MMP20: variants seen among roughly 807,000 people sequenced by gnomAD.
MMP20 encodes the protein matrix metalloproteinase-20.
Under a neutral mutation model 51.8 loss-of-function variants are expected in MMP20, and 50 were observed. The observed-to-expected ratio is 0.97, with a 90% CI of 0.77 to 1.22. The LOEUF is 1.22. Ranked by LOEUF, MMP20 falls within the 50% of genes most tolerant of loss-of-function variation. The probability of loss-of-function intolerance (pLI) is 0.00; values close to 1 mark genes in which losing one functional copy is unlikely to be tolerated. For synonymous variants in MMP20, 244 were observed against 216.2 expected (o/e 1.13, Z -1.13); for missense variants, 663 against 601.4 (o/e 1.10, Z -1.07).
At chr11:102,609,759 C>A in intron 4 of MMP20, 146 bp downstream of exon 4, 2 of 1,075,558 alleles carry the variant, frequency 1.9e-6, no homozygotes, top group East Asian at 2.4e-5. Context: ...CTTATGTGAT[C>A]CCTTTTGGAT....
chr11:102,607,950 C>T (rs1233236492), intron 5 of MMP20: 1 of 152,076 alleles, frequency 6.6e-6, no homozygotes, highest in Non-Finnish European at 1.5e-5. Flanking sequence ...GGTGCTTTCC[C>T]CCTCCTGGAA....
At chr11:102,599,012 CTTTTT>C (rs3046928) in intron 6 of MMP20, among the ~76,000 whole-genome samples, 4 of 127,920 alleles carry the variant, frequency 3.1e-5, no homozygotes, top group Non-Finnish European at 3.3e-5. Flanking sequence ...TTTCTTCTAT[CTTTTT>C]TTTTTTTTTT....
intron 8 of MMP20, among the ~76,000 whole-genome samples, chr11:102,587,745 G>C (rs776584374): frequency 6.6e-5 from 10 of 152,070 alleles, no homozygotes; most frequent in Non-Finnish European, 1.3e-4. Flanking sequence ...TGTTTTGCCT[G>C]ATAATAGTAT....
chr11:102,599,303 A>AG (rs1401263055), intron 6 of MMP20, among the ~76,000 whole-genome samples: 1 of 152,140 alleles, frequency 6.6e-6, no homozygotes, highest in Non-Finnish European at 1.5e-5. Context: ...TACAGGCATG[A>AG]GCCACCATGC....
At chr11:102,608,840 G>C (rs1859553906) in intron 5 of MMP20, 97 bp downstream of exon 5, 1 of 1,284,440 alleles carries the variant, frequency 7.8e-7, no homozygotes, top group Non-Finnish European at 1.1e-6. Context: ...TTTCTAGATT[G>C]ATCTTTACCA....
At position 102,608,962 on chromosome 11, in the gene MMP20, A is replaced by T. The variant is rs1859556534; in HGVS notation, c.786T>A (p.Asp262Glu). ...NPYGFHLPKD[D>E]VKGIQALYGP... ...CGTATAATGCCTGGATCCCTTTCAC[A>T]TCATCTTTGGGGAGGTGGAATCCAT... The change falls in exon 5 of 10, where the codon GAT (aspartate) becomes GAA (glutamate). Residue 262 changes from aspartate to glutamate, a missense_variant. Physicochemically the swap from Asp to Glu is conservative, Grantham distance 45. Transcript: ENST00000260228. The T allele has an allele frequency of 5.0e-6, 8 of 1,614,100 alleles. No individual in the cohort carries two copies. The highest frequency in any genetic ancestry group is 6.8e-6 in the Non-Finnish European group (8 of 1,179,976).
intron 1 of MMP20, among the ~76,000 whole-genome samples, chr11:102,621,532 A>C (rs1859750974): frequency 6.6e-6 from 1 of 152,264 alleles, no homozygotes; most frequent in African/African-American, 2.4e-5. Context: ...TGAGGTCCTC[A>C]ATATGAATGC....
At chr11:102,611,444 G>A (rs970816444) in intron 3 of MMP20, among the ~76,000 whole-genome samples, 3 of 152,266 alleles carry the variant, frequency 2.0e-5, no homozygotes, top group Non-Finnish European at 2.9e-5. Context: ...GGGAATGGAT[G>A]AGGTCATGTG....
chr11:102,609,276 C>T (rs907638732), intron 4 of MMP20, among the ~76,000 whole-genome samples, 178 bp from the exon 5 acceptor site: 2 of 152,108 alleles, frequency 1.3e-5, no homozygotes, highest in Non-Finnish European at 2.9e-5. Context: ...TTAATTCTTC[C>T]CCCCTTGGCT....
chr11:102,616,228 C>T (rs1283701161), intron 2 of MMP20, among the ~76,000 whole-genome samples: 2 of 152,120 alleles, frequency 1.3e-5, no homozygotes, highest in African/African-American at 4.8e-5. Flanking sequence ...CCCTGGGCCA[C>T]TTGGTAGCTC....
At position 102,606,767 on chromosome 11, in the gene MMP20, T is replaced by A. The variant is rs1045418297; in HGVS notation, c.812-91A>T. 4.8e-6 allele frequency: 7 copies of A among 1,445,878 alleles called. No individual in the cohort carries two copies. In the African/African-American group the frequency reaches 9.7e-5, roughly 20 times the overall value. The allele number at this position is 1,445,878 out of a possible 1,614,324, so 89.6% of individuals were successfully genotyped here. On this transcript the variant is annotated intron_variant, in intron 5 of 9. Transcript: ENST00000260228. Reference sequence around the variant, plus strand: ...GAGCCCCAGGGGAGGTTGTACACTTTCACGCTGGACATGTGATCATGATCA... The same window carrying A: ...GAGCCCCAGGGGAGGTTGTACACTTACACGCTGGACATGTGATCATGATCA...
chr11:102,609,123 A>G, intron 4 of MMP20, 25 bp from the exon 5 acceptor site: 2 of 1,610,458 alleles, frequency 1.2e-6, no homozygotes, highest in South Asian at 2.2e-5. Context: ...AGAGAAAAAA[A>G]CAGTATCAAC....
At chr11:102,583,354 T>A (rs2135928696) in intron 8 of MMP20, 1 of 152,338 alleles carries the variant, frequency 6.6e-6, no homozygotes, top group South Asian at 2.1e-4. Flanking sequence ...ATTTGCCATA[T>A]GTTGACATTT....
Position 102,578,756 on chromosome 11 carries a change from A to T in MMP20, c.1351+283T>A, listed in dbSNP as rs938164486. ...TCTCAAAAAAAACAAAAAACAAAAA[A>T]CAAAAAACAAAAACAAAAAACAAAA... On this transcript the variant is annotated intron_variant, in intron 9 of 9. Coordinates refer to ENST00000260228, the MANE Select transcript of MMP20 (RefSeq NM_004771.4). 4.0e-5 allele frequency among the ~76,000 whole-genome samples: 5 copies of T among 126,526 alleles called. No individual in the cohort carries two copies. In the Admixed American group the frequency reaches 4.0e-4, roughly 10 times the overall value. The allele number at this position is 126,526 out of a possible 152,430, so 83.0% of individuals were successfully genotyped here.
chr11:102,606,393 C>G, intron 6 of MMP20, 142 bp downstream of exon 6: 1 of 1,119,088 alleles, frequency 8.9e-7, no homozygotes, highest in East Asian at 2.6e-5. Flanking sequence ...CCCCAAAGAC[C>G]CCTGCCTACC....
intron 2 of MMP20, among the ~76,000 whole-genome samples, chr11:102,613,676 T>G (rs1322163541): frequency 6.6e-6 from 1 of 152,126 alleles, no homozygotes; most frequent in Non-Finnish European, 1.5e-5. Context: ...ACAGAAAGGA[T>G]AGCAAATAGC....
chr11:102,619,498 T>C (rs1451292374), intron 1 of MMP20, among the ~76,000 whole-genome samples: 2 of 152,042 alleles, frequency 1.3e-5, no homozygotes, highest in African/African-American at 2.4e-5. Flanking sequence ...TCACCAGGGC[T>C]GAGATGAGGC....
At chr11:102,602,113 C>T (rs7946565) in intron 6 of MMP20, among the ~76,000 whole-genome samples, 67,076 of 128,760 alleles carry the variant, frequency 0.52, 17,396 homozygotes, top group South Asian at 0.65. Flanking sequence ...CCACGCCCGG[C>T]TAATTTTTTT....
chr11:102,578,971 G>T, intron 9 of MMP20, 68 bp downstream of exon 9: 2 of 1,154,810 alleles, frequency 1.7e-6, no homozygotes, highest in Non-Finnish European at 2.6e-6. Flanking sequence ...ACTTTCTGTT[G>T]TGTTAAAGCA....
Sources: allele counts gnomAD v4.1 joint callset (sites outside exome capture counted in the v4.1 genomes callset), GRCh38; gene constraint gnomAD v4.1.1; transcripts MANE v1.5; gene names NCBI Gene and HGNC (gene_info 2026-07-23, HGNC 2026-07-21).